ASB15: variants seen among roughly 807,000 people sequenced by gnomAD.
ASB15 encodes the protein ankyrin repeat and SOCS box containing 15.
A neutral mutation model predicts 58.0 loss-of-function variants in ASB15; 54 were observed. The observed-to-expected ratio is 0.93, with a 90% CI of 0.75 to 1.17. The LOEUF (loss-of-function observed/expected upper bound fraction) is 1.17, where lower values mean the gene tolerates loss of function less well. ASB15 is among the 50% of genes most tolerant of loss of function. The pLI is 0.00. For missense variants in ASB15, 680 were observed against 707.4 expected, an observed-to-expected ratio of 0.96 and a Z score of 0.44; for synonymous variants, 249 against 262.4, an observed-to-expected ratio of 0.95 and a Z score of 0.50.
rs1245895122 is a variant in ASB15, at chr7:123,624,766, G to C, written c.649G>C (p.Ala217Pro). ...ATTTGGAGTCACACCACTAGGCGTC[G>C]CTGCCGAGTATGGTCACTGTGACGT... ...DGFGVTPLGV[A>P]AEYGHCDVLE... is the part of the protein sequence containing the mutation. The change falls in exon 8 of 12, where the codon GCT (alanine) becomes CCT (proline). Residue 217 changes from alanine (A) to proline (P), a missense_variant. By Grantham distance (27) the Ala-to-Pro change is conservative. Coordinates refer to ENST00000451215, the MANE Select transcript of ASB15 (RefSeq NM_001290258.2). The C allele has an allele frequency of 6.2e-7, 1 of 1,614,024 alleles. No individual in the cohort carries two copies. Among genetic ancestry groups the C allele is most frequent in the East Asian group, 2.2e-5 (1 of 44,874 alleles).
At chr7:123,604,950 C>T (rs1040132872) in intron 2 of ASB15, among the ~76,000 whole-genome samples, 3 of 152,084 alleles carry the variant, frequency 2.0e-5, no homozygotes, top group African/African-American at 7.2e-5. Flanking sequence ...CTAATGCAGG[C>T]AGGTCGGCAT....
rs538574876 is a variant in ASB15, at chr7:123,629,003, C to T, written c.1009C>T (p.Leu337=). ...LIENGFDVNT[L]LADHISQSYD... ...TGAAAATGGTTTTGATGTCAACACT[C>T]TACTTGCTGACCACATTTCCCAGAG... Residue 337 remains leucine, a synonymous_variant, in exon 10 of 12, where the codon CTA becomes TTA. Transcript: ENST00000451215. 11 of 1,613,716 alleles carry T rather than the reference C, an allele frequency of 6.8e-6. No individual in the cohort carries two copies. The highest frequency in any genetic ancestry group is 9.3e-6 in the Non-Finnish European group (11 of 1,179,652).
In ASB15 at chr7:123,628,954, T is replaced by C. The variant is rs369948875; in HGVS notation, c.960T>C (p.Asn320=). The C allele has an allele frequency of 4.2e-5, 68 of 1,610,638 alleles. No individual in the cohort carries two copies. Among genetic ancestry groups the C allele is most frequent in the Middle Eastern group, 3.3e-4 (2 of 6,076 alleles). Residue 320 remains asparagine, a synonymous_variant, in exon 10 of 12, where the codon AAT becomes AAC. Transcript: ENST00000451215. ...TPIHSAADGQ[N]AQCLELLIEN... ...TTCACTCAGCAGCAGATGGACAAAA[T>C]GCACAGTGTCTAGAACTGCTCATTG...
rs1562940696 is a variant in ASB15 at position 123,629,400 on chromosome 7, C to CA, written c.1407dup (p.Gly470ArgfsTer10). ...TCAGAGATACAGGAAGAGGTGCTGC[C>CA]AGGATGGACATCTTGTGTAATAAAA... On this transcript the variant is annotated frameshift_variant, in exon 10 of 12. Transcript: ENST00000451215. LOFTEE classifies it high-confidence loss of function. 5.0e-6 allele frequency: 8 copies of CA among 1,612,208 alleles called. No individual in the cohort carries two copies. The highest frequency in any genetic ancestry group is 6.8e-6 in the Non-Finnish European group (8 of 1,179,684).
chr7:123,605,290 G>A (rs750037077), intron 2 of ASB15, among the ~76,000 whole-genome samples: 1 of 152,108 alleles, frequency 6.6e-6, no homozygotes, highest in Non-Finnish European at 1.5e-5. Context: ...ACCACAATGA[G>A]ATACCATCTC....
chr7:123,580,395 GC>G (rs1170361569), intron 1 of ASB15, among the ~76,000 whole-genome samples: 1 of 152,070 alleles, frequency 6.6e-6, no homozygotes, highest in African/African-American at 2.4e-5. Flanking sequence ...AACTTGCTAG[GC>G]ACAGGAGAGG....
At chr7:123,570,120 T>C (rs1051631855) in intron 1 of ASB15, among the ~76,000 whole-genome samples, 1 of 148,328 alleles carries the variant, frequency 6.7e-6, no homozygotes, top group East Asian at 2.1e-4. Flanking sequence ...CTATAAGCTC[T>C]GCCTCCCGGG....
Position 123,637,225 on chromosome 7 carries a change from T to A in ASB15, c.*244T>A, listed in dbSNP as rs1273442256. On this transcript the variant is annotated 3_prime_UTR_variant, in exon 12 of 12. Coordinates refer to ENST00000451215, the MANE Select transcript of ASB15 (RefSeq NM_001290258.2). ...TTGCTACAAGTCATCAAACTCTCCC[T>A]ATCAAGTGGCTCCTACAATATCCAC... 3.7e-6 allele frequency: 1 copy of A among 268,528 alleles called. No homozygotes were observed. The highest frequency in any genetic ancestry group is 7.0e-6 in the Non-Finnish European group (1 of 142,518). 16.6% of individuals were successfully genotyped at this position (268,528 alleles called of 1,614,324 possible). A position where few individuals can be genotyped will look rare whatever the true frequency, so the allele number is the denominator to read the frequency against.
At chr7:123,573,953 T>G (rs945837649) in intron 1 of ASB15, among the ~76,000 whole-genome samples, 6 of 152,136 alleles carry the variant, frequency 3.9e-5, no homozygotes, top group Admixed American at 1.3e-4. Flanking sequence ...TTTACAATAT[T>G]ATTTTAACTG....
chr7:123,617,477 C>T, intron 6 of ASB15, 102 bp from the exon 7 acceptor site: 1 of 1,057,038 alleles, frequency 9.5e-7, no homozygotes, highest in African/African-American at 1.6e-5. Context: ...CATCAATTGA[C>T]TTTGTTCAAT....
Position 123,637,038 on chromosome 7 carries a change from A to G in ASB15, c.*57A>G. On this transcript the variant is annotated 3_prime_UTR_variant, in exon 12 of 12. Transcript: ENST00000451215. ...TGTTGAAATGTGATTCCCTCAGATA[A>G]TTTCTTGTAACCATTTTACATCCTT... 2 of 1,227,570 alleles carry G rather than the reference A, an allele frequency of 1.6e-6. No homozygotes were observed. Among genetic ancestry groups the G allele is most frequent in the African/African-American group, 3.1e-5 (2 of 65,232 alleles). The allele number at this position is 1,227,570 out of a possible 1,614,324, so 76.0% of individuals were successfully genotyped here. A position where few individuals can be genotyped will look rare whatever the true frequency, so the allele number is the denominator to read the frequency against.
chr7:123,568,350 T>TA (rs796485040), intron 1 of ASB15, among the ~76,000 whole-genome samples: 1,639 of 142,978 alleles, frequency 0.011, 23 homozygotes, highest in African/African-American at 0.032. Flanking sequence ...CCATCTCTAC[T>TA]AAAAAAAAAA....
chr7:123,583,104 T>C (rs2116325155), intron 1 of ASB15, among the ~76,000 whole-genome samples: 1 of 151,844 alleles, frequency 6.6e-6, no homozygotes, highest in East Asian at 1.9e-4. Context: ...AATGATAACA[T>C]TGTAGACCTA....
chr7:123,616,188 C>G (rs1428884769), intron 4 of ASB15, 33 bp from the exon 5 acceptor site: 2 of 1,479,334 alleles, frequency 1.4e-6, no homozygotes, highest in African/African-American at 1.4e-5. Flanking sequence ...TCACTAGTAT[C>G]TAGTATAAAT....
chr7:123,588,510 C>G (rs1439824812), intron 1 of ASB15, among the ~76,000 whole-genome samples: 2 of 150,896 alleles, frequency 1.3e-5, no homozygotes, highest in African/African-American at 4.9e-5. Flanking sequence ...TTTATTTTTG[C>G]TCTGATTTTC....
rs765334158 is a variant in ASB15, at chr7:123,629,073, A to G, written c.1079A>G (p.Asn360Ser). The G allele has an allele frequency of 5.0e-6, 8 of 1,613,588 alleles. No individual in the cohort carries two copies. The African/African-American group carries it at 1.1e-4, about 22-fold the overall frequency. ...RKTALYFGVS[N>S]NDVHCTEVLL... ...ACTGCGCTGTATTTTGGCGTTTCTA[A>G]TAATGACGTTCATTGCACAGAAGTC... The change falls in exon 10 of 12, where the codon AAT becomes AGT. Residue 360 changes from asparagine (N) to serine (S), a missense_variant. Transcript: ENST00000451215.
chr7:123,597,651 G>C (rs1162173811), upstream of ASB15, among the ~76,000 whole-genome samples: 1 of 151,966 alleles, frequency 6.6e-6, no homozygotes, highest in Non-Finnish European at 1.5e-5. Flanking sequence ...GGCCAACATG[G>C]TGAAACCCCG....
At chr7:123,634,797 G>A (rs1229159767) in intron 11 of ASB15, among the ~76,000 whole-genome samples, 1 of 152,214 alleles carries the variant, frequency 6.6e-6, no homozygotes, top group East Asian at 1.9e-4. Context: ...ATTAATGGAT[G>A]TAGTCAATGA....
intron 1 of ASB15, among the ~76,000 whole-genome samples, chr7:123,603,393 G>C (rs1799981120): frequency 6.6e-6 from 1 of 152,160 alleles, no homozygotes; most frequent in South Asian, 2.1e-4. Flanking sequence ...AAGGAATGTA[G>C]TATCATAGAT....
Sources: allele counts gnomAD v4.1 joint callset (sites outside exome capture counted in the v4.1 genomes callset), GRCh38; gene constraint gnomAD v4.1.1; transcripts MANE v1.5; gene names NCBI Gene and HGNC (gene_info 2026-07-23, HGNC 2026-07-21).